PCNX4: variants seen among roughly 807,000 people sequenced by gnomAD.
The protein encoded by PCNX4 is pecanex-like protein 4.
PCNX4 carries 103 observed loss-of-function variants against 107.2 expected under a neutral mutation model. The ratio of observed to expected loss-of-function variants is 0.96; its 90% CI spans 0.82 to 1.13. PCNX4 has a LOEUF of 1.13. PCNX4 is among the 50% of genes most tolerant of loss of function. The probability of loss-of-function intolerance (pLI) is 0.00; values close to 1 mark genes in which losing one functional copy is unlikely to be tolerated. For missense variants in PCNX4, 1,528 were observed against 1,379.4 expected, an observed-to-expected ratio of 1.11 and a Z score of -1.71; for synonymous variants, 541 against 481.7, an observed-to-expected ratio of 1.12 and a Z score of -1.61.
At chr14:60,131,354 C>T (rs1199808133) in intron 10 of PCNX4, among the ~76,000 whole-genome samples, 2 of 152,144 alleles carry the variant, frequency 1.3e-5, no homozygotes, top group Admixed American at 6.5e-5. Flanking sequence ...AACTGATTAA[C>T]AAATTCAGGA....
rs771711147 is a variant in PCNX4, at chr14:60,108,036, G to T, written c.398G>T (p.Gly133Val). The part of the protein sequence containing the change: ...GAETVKFLIP[G>V]KKYVANTVFH... Reference sequence around the variant, plus strand: ...GAGACTGTCAAATTTCTCATTCCTGGCAAGAAATATGTAGCCAATACAGTT... The same window carrying T: ...GAGACTGTCAAATTTCTCATTCCTGTCAAGAAATATGTAGCCAATACAGTT... Residue 133 changes from glycine (G) to valine (V), a missense_variant, in exon 2 of 11, where the codon GGC becomes GTC. Gly to Val is a moderately radical substitution (Grantham distance 109). Transcript: ENST00000406854. 2 of 1,612,802 alleles carry T rather than the reference G, an allele frequency of 1.2e-6. No homozygotes were observed. The highest frequency in any genetic ancestry group is 2.2e-5 in the South Asian group (2 of 91,086).
chr14:60,124,520 C>G lies in PCNX4; in HGVS notation c.2349C>G (p.His783Gln), dbSNP rs1453757171. 6.2e-7 allele frequency: 1 copy of G among 1,613,726 alleles called. No individual in the cohort carries two copies. The highest frequency in any genetic ancestry group is 1.1e-5 in the South Asian group (1 of 91,078). Residue 783 changes from histidine (H) to glutamine (Q), a missense_variant, in exon 9 of 11, where the codon CAC becomes CAG. By Grantham distance (24) the His-to-Gln change is conservative (BLOSUM62 0). Transcript: ENST00000406854. The stretch of plus-strand genomic sequence containing the variant: ...GGCCTGGCATGAAAGAGAATGTTCA[C>G]AACACTGAAAATAAAGGGAAAGCAC... ...SKRPGMKENV[H>Q]NTENKGKAPL...
intron 8 of PCNX4, among the ~76,000 whole-genome samples, chr14:60,122,297 G>A (rs777251929): frequency 9.9e-5 from 15 of 152,106 alleles, no homozygotes; most frequent in Non-Finnish European, 2.1e-4. Flanking sequence ...TGTCACTTCT[G>A]TAGTCAAAAC....
At chr14:60,114,270 T>C (rs1206972244) in intron 2 of PCNX4, among the ~76,000 whole-genome samples, 1 of 152,200 alleles carries the variant, frequency 6.6e-6, no homozygotes, top group African/African-American at 2.4e-5. Flanking sequence ...AATTTTAAAT[T>C]ATAAAATTTT....
intron 10 of PCNX4, among the ~76,000 whole-genome samples, chr14:60,131,450 A>T (rs1184438015): frequency 1.3e-5 from 2 of 152,230 alleles, no homozygotes; most frequent in African/African-American, 4.8e-5. Context: ...AAGTTAAGGA[A>T]ATCCCACTTA....
rs1362571617 is a variant in PCNX4, at chr14:60,143,771, T to G, written c.*9550T>G. 6.6e-6 allele frequency: 1 copy of G among 152,240 alleles called. No homozygotes were observed. Among genetic ancestry groups the G allele is most frequent in the East Asian group, 1.9e-4 (1 of 5,206 alleles). 9.4% of individuals were successfully genotyped at this position (152,240 alleles called of 1,614,324 possible). A position where few individuals can be genotyped will look rare whatever the true frequency, so the allele number is the denominator to read the frequency against. On this transcript the variant is annotated 3_prime_UTR_variant, in exon 11 of 11. Coordinates refer to ENST00000406854, the MANE Select transcript of PCNX4 (RefSeq NM_001330177.2). ...CCCAACAACTATTCTACAGTTATTT[T>G]ATGTATGTTACTTTGGCTCCAGCTC...
chr14:60,115,117 CCA>C lies in PCNX4; in HGVS notation c.1014_1015del (p.Lys339IlefsTer2). On this transcript the variant is annotated frameshift_variant, in exon 4 of 11. Transcript: ENST00000406854. LOFTEE classifies it high-confidence loss of function. ...AGTGATATGGGTCACAAAATTGGAA[CCA>C]AATCTAAGGATTTACCCAGTGGTCC... 1 of 1,613,818 alleles carries C rather than the reference CCA, an allele frequency of 6.2e-7. No individual in the cohort carries two copies. Among genetic ancestry groups the C allele is most frequent in the Non-Finnish European group, 8.5e-7 (1 of 1,179,848 alleles).
chr14:60,129,876 G>C (rs914395729), intron 10 of PCNX4, among the ~76,000 whole-genome samples: 1 of 151,962 alleles, frequency 6.6e-6, no homozygotes, highest in East Asian at 1.9e-4. Context: ...AATTTAAATG[G>C]CATATTACAA....
At chr14:60,112,481 A>G (rs756694978) in intron 2 of PCNX4, among the ~76,000 whole-genome samples, 3 of 152,234 alleles carry the variant, frequency 2.0e-5, no homozygotes, top group Non-Finnish European at 2.9e-5. Context: ...ATAATGATCC[A>G]TTTGGAGCTA....
At chr14:60,112,466 C>A (rs1323401085) in intron 2 of PCNX4, among the ~76,000 whole-genome samples, 1 of 152,102 alleles carries the variant, frequency 6.6e-6, no homozygotes, top group Non-Finnish European at 1.5e-5. Flanking sequence ...AAAGAATTAA[C>A]CACAATAATG....
In PCNX4 at chr14:60,115,976, A is replaced by C. The variant is rs563395376; in HGVS notation, c.1494A>C (p.Thr498=). 1 of 1,612,196 alleles carries C rather than the reference A, an allele frequency of 6.2e-7. No individual in the cohort carries two copies. Among genetic ancestry groups the C allele is most frequent in the Admixed American group, 1.7e-5 (1 of 59,852 alleles). The change falls in exon 6 of 11, where the codon ACA becomes ACC. Residue 498 remains threonine (T), a synonymous_variant. Transcript: ENST00000406854. ...ATACAGAAAATGCTTTATTGGAGAC[A>C]GTCATTGTATCAACAGTACACTTGA... ...WQNTENALLE[T]VIVSTVHLIS... is the part of the protein sequence containing the mutation.
intron 1 of PCNX4, among the ~76,000 whole-genome samples, chr14:60,101,971 G>A (rs2140532273): frequency 6.6e-6 from 1 of 152,328 alleles, no homozygotes. Flanking sequence ...AAGTAAGCCA[G>A]TCACATGAAG....
chr14:60,124,973 A>T lies in PCNX4; in HGVS notation c.2802A>T (p.Pro934=). The change falls in exon 9 of 11, where the codon CCA becomes CCT. Residue 934 remains proline, a synonymous_variant. Coordinates refer to ENST00000406854, the MANE Select transcript of PCNX4 (RefSeq NM_001330177.2). ...TGAAGGAGATGAGCTCGTTATTTCC[A>T]GAAGACTGGTACCAATTTGTTCTAA... The part of the protein sequence containing the change: ...SKMKEMSSLF[P]EDWYQFVLRQ... 1 of 1,613,898 alleles carries T rather than the reference A, an allele frequency of 6.2e-7. No homozygotes were observed. The highest frequency in any genetic ancestry group is 8.5e-7 in the Non-Finnish European group (1 of 1,179,788).
intron 10 of PCNX4, among the ~76,000 whole-genome samples, chr14:60,127,701 T>G (rs1037347116): frequency 3.3e-5 from 5 of 152,182 alleles, no homozygotes; most frequent in African/African-American, 1.2e-4. Flanking sequence ...ATATCCAATT[T>G]TCAACAAAAA....
intron 1 of PCNX4, among the ~76,000 whole-genome samples, chr14:60,092,848 G>T (rs1595155087): frequency 6.6e-6 from 1 of 152,174 alleles, no homozygotes; most frequent in Non-Finnish European, 1.5e-5. Flanking sequence ...ACAACCTCTT[G>T]TCTCTCCAGG....
At chr14:60,129,299 T>G (rs1196425361) in intron 10 of PCNX4, among the ~76,000 whole-genome samples, 1 of 150,700 alleles carries the variant, frequency 6.6e-6, no homozygotes, top group African/African-American at 2.4e-5. Context: ...ATGACTGTAA[T>G]CCCAGCACTT....
At position 60,124,368 on chromosome 14, in the gene PCNX4, G is replaced by T; in HGVS notation, c.2197G>T (p.Val733Leu). Reference protein sequence around the residue: ...NVLTPCTVLPVKLYSDARNVL... With the variant: ...NVLTPCTVLPLKLYSDARNVL... ...CTTGACACCCTGTACTGTTTTGCCT[G>T]TGAAATTGTATTCTGATGCCAGGAA... Residue 733 changes from valine to leucine, a missense_variant, in exon 9 of 11, where the codon GTG becomes TTG. Physicochemically the swap from Val to Leu is conservative, Grantham distance 32. Transcript: ENST00000406854. 6.2e-7 allele frequency: 1 copy of T among 1,613,382 alleles called. No individual in the cohort carries two copies.
At chr14:60,093,061 C>G (rs538405959) in intron 1 of PCNX4, among the ~76,000 whole-genome samples, 1 of 152,318 alleles carries the variant, frequency 6.6e-6, no homozygotes, top group East Asian at 1.9e-4. Flanking sequence ...ATCCCCAGAC[C>G]TTTAGCATAG....
rs890214358 is a variant in PCNX4 at position 60,146,482 on chromosome 14, T to C, written c.*12261T>C. 3 of 152,096 alleles carry C rather than the reference T, an allele frequency of 2.0e-5. No individual in the cohort carries two copies. The highest frequency in any genetic ancestry group is 4.4e-5 in the Non-Finnish European group (3 of 68,010). The allele number at this position is 152,096 out of a possible 1,614,324, so 9.4% of individuals were successfully genotyped here. On this transcript the variant is annotated 3_prime_UTR_variant, in exon 11 of 11. Transcript: ENST00000406854. The surrounding 1 kb of genome is among the most constrained non-coding windows in gnomAD (Gnocchi z 4.9). ...ACATTATGGAAAATACGGAAATTCC[T>C]CAAAAAATTAAAAATAGAATTACCA...
Sources: gnomAD v4.1 joint callset for allele counts (sites outside exome capture counted in the v4.1 genomes callset) on GRCh38, gnomAD v4.1.1 for gene constraint, Gnocchi (gnomAD v3.1) non-coding constraint, MANE v1.5 for transcripts, NCBI Gene and HGNC (gene_info 2026-07-23, HGNC 2026-07-21) for gene names.